The following IL1RAPL1 variants were observed in gnomAD, a reference collection of about 807,000 sequenced individuals.
IL1RAPL1 encodes the protein interleukin-1 receptor accessory protein-like 1.
IL1RAPL1 carries 3 observed loss-of-function variants against 48.4 expected under a neutral mutation model. The ratio of observed to expected loss-of-function variants is 0.06; its 90% CI spans 0.03 to 0.16. The LOEUF (loss-of-function observed/expected upper bound fraction) is 0.16, where lower values mean the gene tolerates loss of function less well. Among genes scored for constraint, IL1RAPL1 ranks in the 10% least tolerant of loss-of-function variants. The pLI, the probability that IL1RAPL1 is intolerant of heterozygous loss-of-function variation, is 1.00. For synonymous variants in IL1RAPL1, 185 were observed against 187.7 expected, an observed-to-expected ratio of 0.99 and a Z score of 0.12; for missense variants, 349 against 530.6, an observed-to-expected ratio of 0.66 and a Z score of 3.36.
intron 2 of IL1RAPL1, among the ~76,000 whole-genome samples, chrX:29,104,570 T>C (rs1928410467): frequency 9.0e-6 from 1 of 111,093 alleles, no homozygotes; most frequent in Non-Finnish European, 1.9e-5. Flanking sequence ...CACAACAGGC[T>C]GACTACACTA....
chrX:28,991,041 A>G (rs904442940), intron 2 of IL1RAPL1, among the ~76,000 whole-genome samples: 4 of 111,837 alleles, frequency 3.6e-5, no homozygotes, highest in African/African-American at 1.3e-4. Context: ...TAGAAATCAG[A>G]AATGTATAGT....
At chrX:29,706,006 A>G (rs933990351) in intron 6 of IL1RAPL1, among the ~76,000 whole-genome samples, 2 of 112,416 alleles carry the variant, frequency 1.8e-5, no homozygotes, top group African/African-American at 6.5e-5. Context: ...AGGCCTCACA[A>G]TCATGGCAGA....
In IL1RAPL1 at chrX:29,751,368, A is replaced by T. The variant is rs182283319; in HGVS notation, c.778+82864A>T. 4.1e-4 allele frequency among the ~76,000 whole-genome samples: 46 copies of T among 111,568 alleles called. 1 individual carries two copies. Among genetic ancestry groups the T allele is most frequent in the Admixed American group, 3.6e-3 (38 of 10,424 alleles). ...ACTGCTTATCATTACTGAATTTCTG[A>T]TGTTCTTGCAAAAACAATTTGAAAA... On this transcript the variant is annotated intron_variant, in intron 6 of 10. Transcript: ENST00000378993.
At position 29,283,155 on chromosome X, in the gene IL1RAPL1, A is replaced by C. The variant is rs1177211363; in HGVS notation, c.300A>C (p.Glu100Asp). The change falls in exon 3 of 11, where the codon GAA (glutamate) becomes GAC (aspartate). Residue 100 changes from glutamate to aspartate, a missense_variant. By Grantham distance (45) the Glu-to-Asp change is conservative. Coordinates refer to ENST00000378993, the MANE Select transcript of IL1RAPL1 (RefSeq NM_014271.4). ...AFDGSRMSKE[E>D]DSIWFRPTLL... Reference sequence around the variant, plus strand: ...ACGGAAGTAGAATGAGCAAAGAAGAAGACTCCATTTGGTTCCGGCCAACAT... The same window carrying C: ...ACGGAAGTAGAATGAGCAAAGAAGACGACTCCATTTGGTTCCGGCCAACAT... 2.5e-6 allele frequency: 3 copies of C among 1,211,785 alleles called. No homozygotes were observed. Among genetic ancestry groups the C allele is most frequent in the Non-Finnish European group, 3.4e-6 (3 of 895,368 alleles).
intron 1 of IL1RAPL1, among the ~76,000 whole-genome samples, chrX:28,774,211 C>T (rs1936338182): frequency 9.0e-6 from 1 of 111,382 alleles, no homozygotes; most frequent in Non-Finnish European, 1.9e-5. Context: ...TAAAATCTGC[C>T]TGTTGATGAC....
chrX:29,376,495 A>C (rs780256932), intron 3 of IL1RAPL1, among the ~76,000 whole-genome samples: 1 of 110,076 alleles, frequency 9.1e-6, no homozygotes, highest in Non-Finnish European at 1.9e-5. Context: ...AGCCACCCAG[A>C]TAGCTGGAGA....
chrX:29,525,603 T>G (rs996013150), intron 5 of IL1RAPL1, among the ~76,000 whole-genome samples: 1 of 111,695 alleles, frequency 9.0e-6, no homozygotes, highest in Non-Finnish European at 1.9e-5. Flanking sequence ...AGGCCCAGGA[T>G]ATACTGCGTT....
At chrX:29,553,101 G>A (rs1602293402) in intron 5 of IL1RAPL1, among the ~76,000 whole-genome samples, 1 of 111,145 alleles carries the variant, frequency 9.0e-6, no homozygotes, top group Non-Finnish European at 1.9e-5. Context: ...TCATACCTGA[G>A]TCTGATTCTG....
intron 3 of IL1RAPL1, among the ~76,000 whole-genome samples, chrX:29,346,340 A>T (rs925312825): frequency 4.5e-5 from 5 of 112,266 alleles, no homozygotes; most frequent in African/African-American, 1.6e-4. Context: ...CACATTGTCA[A>T]CCTCTGGTCC....
chrX:28,922,414 C>T lies in IL1RAPL1; in HGVS notation c.82+132989C>T, dbSNP rs748046463. Among the ~76,000 whole-genome samples, 17 of 111,637 alleles carry T rather than the reference C, an allele frequency of 1.5e-4. No homozygotes were observed. The East Asian group carries it at 4.8e-3, about 32-fold the overall frequency. On this transcript the variant is annotated intron_variant, in intron 2 of 10. Transcript: ENST00000378993. ...TCAAGATTCCATCATCGGCACATATCAAATACTGTTGGCAATGCTGAAAGT... is the reference window on the plus strand; with the variant it reads ...TCAAGATTCCATCATCGGCACATATTAAATACTGTTGGCAATGCTGAAAGT...
At chrX:28,983,633 G>A (rs932342177) in intron 2 of IL1RAPL1, among the ~76,000 whole-genome samples, 9 of 111,781 alleles carry the variant, frequency 8.1e-5, no homozygotes, top group African/African-American at 2.9e-4. Context: ...AGTCAATACT[G>A]TGTTATATTT....
intron 5 of IL1RAPL1, among the ~76,000 whole-genome samples, chrX:29,494,390 G>A (rs1359558292): frequency 2.7e-5 from 3 of 111,863 alleles, no homozygotes; most frequent in African/African-American, 9.8e-5. Context: ...CACCTGGGTT[G>A]ATTCTATGTC....
chrX:29,406,749 AAC>A (rs1461344401), intron 5 of IL1RAPL1, among the ~76,000 whole-genome samples: 2 of 109,986 alleles, frequency 1.8e-5, no homozygotes, highest in African/African-American at 6.8e-5. Flanking sequence ...CCTGTGGTTG[AAC>A]TTTTAGGTAT....
At chrX:28,874,716 C>G (rs1026961991) in intron 2 of IL1RAPL1, among the ~76,000 whole-genome samples, 20 of 112,224 alleles carry the variant, frequency 1.8e-4, no homozygotes, top group Non-Finnish European at 3.6e-4. Context: ...TTTGTGTTTT[C>G]TCATTTCATG....
At chrX:29,189,254 A>T (rs1350272220) in intron 2 of IL1RAPL1, among the ~76,000 whole-genome samples, 1 of 112,171 alleles carries the variant, frequency 8.9e-6, no homozygotes, top group Admixed American at 9.5e-5. Context: ...AAGTGTTATA[A>T]GCTCTGAATG....
intron 2 of IL1RAPL1, among the ~76,000 whole-genome samples, chrX:28,973,917 G>A (rs1333321256): frequency 1.8e-5 from 2 of 112,426 alleles, no homozygotes; most frequent in African/African-American, 6.5e-5. Flanking sequence ...GAAATTCATA[G>A]TGTATCCTTT....
rs370199857 is a variant in IL1RAPL1 at position 29,389,944 on chromosome X, A to G, written c.363-6314A>G. Among the ~76,000 whole-genome samples, 10 of 112,029 alleles carry G rather than the reference A, an allele frequency of 8.9e-5. 1 individual carries two copies. Among genetic ancestry groups the G allele is most frequent in the East Asian group, 8.4e-4 (3 of 3,574 alleles). On this transcript the variant is annotated intron_variant, in intron 3 of 10. Transcript: ENST00000378993. ...AAAAACTAATCCAAACAAATCTCTC[A>G]TTTAGTATTAGTAGCTACAAACATA...
intron 5 of IL1RAPL1, among the ~76,000 whole-genome samples, chrX:29,454,167 G>A (rs769113906): frequency 1.8e-5 from 2 of 112,512 alleles, no homozygotes; most frequent in Admixed American, 1.9e-4. Context: ...TTGCCATAGT[G>A]AGGTACGTCT....
chrX:29,022,325 T>A (rs750032368), intron 2 of IL1RAPL1, among the ~76,000 whole-genome samples: 1 of 111,837 alleles, frequency 8.9e-6, no homozygotes, highest in Non-Finnish European at 1.9e-5. Flanking sequence ...CACTTTTGCC[T>A]GGATACATTT....
Sources: gnomAD v4.1 joint callset for allele counts (sites outside exome capture counted in the v4.1 genomes callset) on GRCh38, gnomAD v4.1.1 for gene constraint, MANE v1.5 for transcripts, NCBI Gene and HGNC (gene_info 2026-07-23, HGNC 2026-07-21) for gene names.